The following ZMYM4 variants were observed in gnomAD, a reference collection of about 807,000 sequenced individuals.
ZMYM4 encodes the protein zinc finger MYM-type containing 4.
ZMYM4 carries 31 observed loss-of-function variants against 183.2 expected under a neutral mutation model. The observed-to-expected ratio is 0.17, with a 90% CI of 0.13 to 0.23. The LOEUF is 0.23. Ranked by LOEUF, ZMYM4 falls within the 10% of genes least tolerant of loss-of-function variation. The pLI, the probability that ZMYM4 is intolerant of heterozygous loss-of-function variation, is 1.00. For synonymous variants in ZMYM4, 592 were observed against 631.2 expected, an observed-to-expected ratio of 0.94 and a Z score of 0.93; for missense variants, 1,273 against 1,840.3, an observed-to-expected ratio of 0.69 and a Z score of 5.64.
intron 2 of ZMYM4, among the ~76,000 whole-genome samples, chr1:35,357,238 A>T (rs1459864090): frequency 1.3e-5 from 2 of 152,188 alleles, no homozygotes; most frequent in Non-Finnish European, 2.9e-5. Flanking sequence ...CTGATTACAG[A>T]TAATCCAACT....
At chr1:35,334,426 G>A (rs1478928230) in intron 2 of ZMYM4, among the ~76,000 whole-genome samples, 2 of 152,208 alleles carry the variant, frequency 1.3e-5, no homozygotes, top group East Asian at 1.9e-4. Flanking sequence ...ATATTTCCCA[G>A]TCTGATGGAT....
At chr1:35,326,432 G>A (rs972091400) in intron 2 of ZMYM4, among the ~76,000 whole-genome samples, 1 of 152,120 alleles carries the variant, frequency 6.6e-6, no homozygotes, top group Non-Finnish European at 1.5e-5. Context: ...ATTGTCAAGA[G>A]CACCTCCTAC....
chr1:35,310,714 G>A (rs1001620716), intron 1 of ZMYM4, among the ~76,000 whole-genome samples: 5 of 151,954 alleles, frequency 3.3e-5, no homozygotes, highest in African/African-American at 4.8e-5. Context: ...GAGTAGCTGG[G>A]ATTACAGGCA....
chr1:35,289,515 G>A (rs1487222091), intron 1 of ZMYM4, among the ~76,000 whole-genome samples: 1 of 152,162 alleles, frequency 6.6e-6, no homozygotes, highest in African/African-American at 2.4e-5. Context: ...TCGGGATGAA[G>A]GAGGAAGCTA....
intron 1 of ZMYM4, among the ~76,000 whole-genome samples, chr1:35,307,727 G>C (rs1249946407): frequency 6.6e-6 from 1 of 151,266 alleles, no homozygotes; most frequent in Admixed American, 6.6e-5. Context: ...GTAGAGACAG[G>C]GTTTCACCGT....
intron 7 of ZMYM4, among the ~76,000 whole-genome samples, chr1:35,377,727 A>G (rs905122066): frequency 2.6e-5 from 4 of 152,232 alleles, no homozygotes; most frequent in African/African-American, 9.6e-5. Flanking sequence ...TCAGTGAGTC[A>G]TAATCTTATT....
At chr1:35,302,202 T>C (rs1176592250) in intron 1 of ZMYM4, among the ~76,000 whole-genome samples, 9 of 4,790 alleles carry the variant, frequency 1.9e-3, no homozygotes, top group African/African-American at 2.2e-3. Flanking sequence ...GGCTCTTGCT[T>C]TTTTTTTTTT....
In ZMYM4 at chr1:35,361,541, CT is replaced by C. The variant is rs1643936406; in HGVS notation, c.670-74del. On this transcript the variant is annotated intron_variant, in intron 4 of 29. Coordinates refer to ENST00000314607, the MANE Select transcript of ZMYM4 (RefSeq NM_005095.3). ...CATAGAGTTCTTCATTTCCAATGAG[CT>C]TTTCTTTGGGTGTTAAACCTGAAGA... 1.8e-5 allele frequency: 26 copies of C among 1,477,302 alleles called. No homozygotes were observed. The South Asian group carries it at 3.3e-4, about 19-fold the overall frequency. The allele number at this position is 1,477,302 out of a possible 1,614,324, so 91.5% of individuals were successfully genotyped here.
chr1:35,295,436 A>G (rs1292341272), intron 1 of ZMYM4, among the ~76,000 whole-genome samples: 1 of 152,224 alleles, frequency 6.6e-6, no homozygotes, highest in Non-Finnish European at 1.5e-5. Flanking sequence ...GAATAACAGT[A>G]GATGAGATCA....
intron 1 of ZMYM4, among the ~76,000 whole-genome samples, chr1:35,278,315 C>T (rs1639973636): frequency 2.0e-5 from 3 of 152,038 alleles, no homozygotes; most frequent in African/African-American, 2.4e-5. Context: ...CAGTTTAATA[C>T]ACTACAGTTC....
chr1:35,324,564 G>T (rs1160751744), intron 1 of ZMYM4, among the ~76,000 whole-genome samples: 2 of 152,108 alleles, frequency 1.3e-5, no homozygotes, highest in African/African-American at 4.8e-5. Flanking sequence ...GCTAGCTGTT[G>T]TGTTTCCTCT....
At position 35,317,336 on chromosome 1, in the gene ZMYM4, G is replaced by A. The variant is rs148216976; in HGVS notation, c.40-8024G>A. 2.7e-4 allele frequency among the ~76,000 whole-genome samples: 41 copies of A among 152,070 alleles called. 1 individual carries two copies. The East Asian group carries it at 7.5e-3, about 28-fold the overall frequency. On this transcript the variant is annotated intron_variant, in intron 1 of 29. Coordinates refer to ENST00000314607, the MANE Select transcript of ZMYM4 (RefSeq NM_005095.3). The stretch of plus-strand genomic sequence containing the variant: ...TAATCCCAACTACTCAGGAGGCTGA[G>A]CCAAGAGAATCCCTTGAACCCGGGA...
intron 7 of ZMYM4, among the ~76,000 whole-genome samples, chr1:35,373,398 C>T (rs1040239336): frequency 2.1e-5 from 3 of 145,934 alleles, no homozygotes; most frequent in Non-Finnish European, 4.5e-5. Context: ...TTTTTGAGAC[C>T]GAGTCTCGCC....
At chr1:35,270,524 C>T (rs1030601653) in intron 1 of ZMYM4, among the ~76,000 whole-genome samples, 1 of 152,112 alleles carries the variant, frequency 6.6e-6, no homozygotes, top group South Asian at 2.1e-4. Flanking sequence ...TTTGGGAGGC[C>T]GAGGCGGCAG....
intron 18 of ZMYM4, among the ~76,000 whole-genome samples, chr1:35,395,288 G>A (rs1570517601): frequency 6.9e-6 from 1 of 144,912 alleles, no homozygotes; most frequent in African/African-American, 2.6e-5. Context: ...ATTTTTTAAT[G>A]TCCGCTGTAT....
At chr1:35,295,357 T>C (rs1640954348) in intron 1 of ZMYM4, among the ~76,000 whole-genome samples, 1 of 152,108 alleles carries the variant, frequency 6.6e-6, no homozygotes, top group African/African-American at 2.4e-5. Flanking sequence ...AGGAGAGTGT[T>C]GTATATGTTT....
At chr1:35,379,188 C>T (rs186646360) in intron 7 of ZMYM4, among the ~76,000 whole-genome samples, 239 of 152,296 alleles carry the variant, frequency 1.6e-3, no homozygotes, top group Non-Finnish European at 2.7e-3. Flanking sequence ...GCAGCCTCCG[C>T]CTCCCGGGTT....
At chr1:35,355,666 C>T (rs533406315) in intron 2 of ZMYM4, among the ~76,000 whole-genome samples, 31 of 151,976 alleles carry the variant, frequency 2.0e-4, no homozygotes, top group African/African-American at 7.2e-4. Flanking sequence ...CACATTTGAT[C>T]TTTTATATTT....
At position 35,291,634 on chromosome 1, in the gene ZMYM4, CT is replaced by C. The variant is rs1296107892; in HGVS notation, c.39+22569del. ...ATAATAGTAGTGGTAGTGATTGTTACTTTTTTTTTTTTTTTTTTTTGAGACA... is the reference window on the plus strand; with the variant it reads ...ATAATAGTAGTGGTAGTGATTGTTACTTTTTTTTTTTTTTTTTTTGAGACA... On this transcript the variant is annotated intron_variant, in intron 1 of 29. Coordinates refer to ENST00000314607, the MANE Select transcript of ZMYM4 (RefSeq NM_005095.3). 8.8e-3 allele frequency among the ~76,000 whole-genome samples: 1,143 copies of C among 129,310 alleles called. 13 individuals carry two copies. Among genetic ancestry groups the C allele is most frequent in the African/African-American group, 0.023 (810 of 35,686 alleles). 84.8% of individuals were successfully genotyped at this position (129,310 alleles called of 152,430 possible). A position where few individuals can be genotyped will look rare whatever the true frequency, so the allele number is the denominator to read the frequency against.
Sources: gnomAD v4.1 joint callset for allele counts (sites outside exome capture counted in the v4.1 genomes callset) on GRCh38, gnomAD v4.1.1 for gene constraint, MANE v1.5 for transcripts, NCBI Gene and HGNC (gene_info 2026-07-23, HGNC 2026-07-21) for gene names.